FGF14: variants seen among roughly 807,000 people sequenced by gnomAD.
FGF14 encodes fibroblast growth factor 14, also known as fibroblast growth factor homologous factor 4.
Under a neutral mutation model 25.5 loss-of-function variants are expected in FGF14, and 5 were observed. The observed-to-expected ratio is 0.20, with a 90% CI of 0.10 to 0.41. The LOEUF is 0.41. FGF14 is among the 10% of genes least tolerant of loss of function. The pLI, the probability that FGF14 is intolerant of heterozygous loss-of-function variation, is 1.00. For missense variants in FGF14, 222 were observed against 320.1 expected (o/e 0.69, Z 2.34); for synonymous variants, 138 against 118.3 (o/e 1.17, Z -1.08).
chr13:102,317,619 C>A (rs758779012), intron 1 of FGF14, among the ~76,000 whole-genome samples: 3 of 151,954 alleles, frequency 2.0e-5, no homozygotes, highest in Non-Finnish European at 4.4e-5. Flanking sequence ...AAATATAGGA[C>A]CAAATTTTTA....
chr13:102,072,239 T>C (rs113791900), intron 1 of FGF14, among the ~76,000 whole-genome samples: 1 of 152,178 alleles, frequency 6.6e-6, no homozygotes, highest in East Asian at 1.9e-4. Context: ...TCATTGGAGA[T>C]AGCAAAAAGT....
chr13:101,879,846 C>T (rs2045601430), intron 1 of FGF14, among the ~76,000 whole-genome samples: 1 of 152,042 alleles, frequency 6.6e-6, no homozygotes. Flanking sequence ...GATTTTGGCA[C>T]TCCCAGTAGC....
chr13:102,173,214 T>G (rs1438245394), intron 1 of FGF14, among the ~76,000 whole-genome samples: 1 of 152,084 alleles, frequency 6.6e-6, no homozygotes. Context: ...GACATACAGA[T>G]AGCCAACAGA....
intron 1 of FGF14, among the ~76,000 whole-genome samples, chr13:102,223,878 A>G (rs2050721417): frequency 1.3e-5 from 2 of 152,274 alleles, no homozygotes; most frequent in East Asian, 3.9e-4. Context: ...AAAACATCCT[A>G]ATTTAGAATA....
chr13:102,323,810 G>T (rs2056326305), intron 1 of FGF14, among the ~76,000 whole-genome samples: 2 of 152,150 alleles, frequency 1.3e-5, no homozygotes, highest in African/African-American at 4.8e-5. Context: ...CAGGTTCTGA[G>T]ATTAATTTGC....
At chr13:101,948,080 T>C (rs1053692791) in intron 1 of FGF14, among the ~76,000 whole-genome samples, 1 of 152,248 alleles carries the variant, frequency 6.6e-6, no homozygotes, top group African/African-American at 2.4e-5. Flanking sequence ...TTTTGTCTTT[T>C]GTCAATTCTT....
intron 1 of FGF14, among the ~76,000 whole-genome samples, chr13:102,387,918 CG>C (rs1296683537): frequency 3.3e-5 from 5 of 152,042 alleles, no homozygotes; most frequent in Admixed American, 2.6e-4. Flanking sequence ...TTAGTAAAGA[CG>C]GGGTTTCACC....
At chr13:101,809,914 A>G (rs1394789369) in intron 3 of FGF14, among the ~76,000 whole-genome samples, 1 of 152,186 alleles carries the variant, frequency 6.6e-6, no homozygotes, top group Non-Finnish European at 1.5e-5. Context: ...ACACAACTAG[A>G]TAATTAGCTA....
intron 1 of FGF14, among the ~76,000 whole-genome samples, chr13:102,324,005 G>T (rs940078592): frequency 7.0e-6 from 1 of 143,852 alleles, no homozygotes; most frequent in African/African-American, 2.6e-5. Context: ...GTGTGTGTGT[G>T]TTGCTGTACA....
At chr13:102,035,249 G>A (rs1261381911) in intron 1 of FGF14, among the ~76,000 whole-genome samples, 1 of 152,078 alleles carries the variant, frequency 6.6e-6, no homozygotes, top group Non-Finnish European at 1.5e-5. Flanking sequence ...CATAGAAAGA[G>A]GCAATAGAGG....
chr13:101,755,198 C>G (rs1057245927), intron 3 of FGF14, among the ~76,000 whole-genome samples: 22 of 152,132 alleles, frequency 1.4e-4, no homozygotes, highest in African/African-American at 5.3e-4. Flanking sequence ...CTTAGAATAG[C>G]TCACGTTAGC....
At chr13:101,750,620 A>G (rs2037209770) in intron 3 of FGF14, among the ~76,000 whole-genome samples, 1 of 152,164 alleles carries the variant, frequency 6.6e-6, no homozygotes, top group Non-Finnish European at 1.5e-5. Flanking sequence ...GCAAACAGTA[A>G]CTGGGAGTGA....
At chr13:102,030,602 A>AAATCTTGAACAGT (rs1391834851) in intron 1 of FGF14, among the ~76,000 whole-genome samples, 2 of 152,024 alleles carry the variant, frequency 1.3e-5, no homozygotes, top group East Asian at 1.9e-4. Flanking sequence ...CTTCTTTACA[A>AAATCTTGAACAGT]AATCTTGAAC....
At chr13:102,313,225 C>G (rs963417203) in intron 1 of FGF14, among the ~76,000 whole-genome samples, 4 of 152,178 alleles carry the variant, frequency 2.6e-5, no homozygotes, top group African/African-American at 9.7e-5. Flanking sequence ...CTGGAAGGCA[C>G]CAGGCAATGT....
At chr13:102,173,660 T>A (rs539587520) in intron 1 of FGF14, among the ~76,000 whole-genome samples, 1 of 152,186 alleles carries the variant, frequency 6.6e-6, no homozygotes, top group Non-Finnish European at 1.5e-5. Context: ...AGAATGAAAT[T>A]CTGTCATTTG....
intron 1 of FGF14, among the ~76,000 whole-genome samples, chr13:102,033,135 T>C (rs916063661): frequency 1.5e-4 from 23 of 152,152 alleles, no homozygotes; most frequent in African/African-American, 5.5e-4. Flanking sequence ...TGAATCCATA[T>C]GCCAGTATTT....
exon 1 of FGF14, chr13:102,401,661 G>A: frequency 2.5e-6 from 4 of 1,613,880 alleles, no homozygotes; most frequent in Non-Finnish European, 3.4e-6. Context: ...TCCTGAAGAG[G>A]GGCACCGGTT....
At chr13:101,900,164 G>A (rs542474355) in intron 1 of FGF14, among the ~76,000 whole-genome samples, 1 of 152,168 alleles carries the variant, frequency 6.6e-6, no homozygotes, top group South Asian at 2.1e-4. Context: ...ATAACAGAGA[G>A]CTACTTTTTA....
chr13:102,360,264 T>C (rs903809955), intron 1 of FGF14, among the ~76,000 whole-genome samples: 1 of 152,198 alleles, frequency 6.6e-6, no homozygotes, highest in African/African-American at 2.4e-5. Context: ...AACTATGGCA[T>C]AGCATACAAT....
Sources: gnomAD v4.1 joint callset for allele counts (sites outside exome capture counted in the v4.1 genomes callset) on GRCh38, gnomAD v4.1.1 for gene constraint, MANE v1.5 for transcripts, NCBI Gene and HGNC (gene_info 2026-07-23, HGNC 2026-07-21) for gene names.